The following BDP1 variants were observed in gnomAD, a reference collection of about 807,000 sequenced individuals.
BDP1 encodes transcription factor TFIIIB component B'' homolog.
In BDP1, 169 loss-of-function variants were observed where a neutral mutation model predicts 266.6. That is an observed-to-expected ratio of 0.63 (90% CI 0.56 to 0.72). The LOEUF (loss-of-function observed/expected upper bound fraction) is 0.72, where lower values mean the gene tolerates loss of function less well. Among genes scored for constraint, BDP1 ranks in the 30% least tolerant of loss-of-function variants. The pLI, the probability that BDP1 is intolerant of heterozygous loss-of-function variation, is 0.00. For missense variants in BDP1, 3,015 were observed against 3,053.8 expected, an observed-to-expected ratio of 0.99 and a Z score of 0.30; for synonymous variants, 1,090 against 1,022.4, an observed-to-expected ratio of 1.07 and a Z score of -1.26.
rs1204746180 is a variant in BDP1 at position 71,541,432 on chromosome 5, TG to T, written c.6023-21del. 2.6e-5 allele frequency: 26 copies of T among 1,018,304 alleles called. No individual in the cohort carries two copies. The East Asian group carries it at 3.0e-4, about 12-fold the overall frequency. 63.1% of individuals were successfully genotyped at this position (1,018,304 alleles called of 1,614,324 possible). A position where few individuals can be genotyped will look rare whatever the true frequency, so the allele number is the denominator to read the frequency against. ...TCTATAATTTGGTCCATTTTAATTT[TG>T]TTTTTTTTTTTTTTCTTCAGTAGGA... is the stretch of plus-strand genomic sequence containing the variant. On this transcript the variant is annotated intron_variant, in intron 28 of 38. Coordinates refer to ENST00000358731, the MANE Select transcript of BDP1 (RefSeq NM_018429.3).
At chr5:71,564,387 A>G (rs1050012101) in intron 38 of BDP1, among the ~76,000 whole-genome samples, 7 of 151,406 alleles carry the variant, frequency 4.6e-5, no homozygotes, top group Admixed American at 1.3e-4. Context: ...ACCATATTAT[A>G]TTTTTCTTTA....
intron 22 of BDP1, among the ~76,000 whole-genome samples, chr5:71,519,991 T>C (rs1393211285): frequency 6.6e-6 from 1 of 152,226 alleles, no homozygotes; most frequent in Non-Finnish European, 1.5e-5. Flanking sequence ...TTTTTGTCTT[T>C]TTAACAGTAG....
intron 35 of BDP1, among the ~76,000 whole-genome samples, 153 bp downstream of exon 35, chr5:71,553,473 A>G (rs1742999552): frequency 6.6e-6 from 1 of 152,212 alleles, no homozygotes; most frequent in Non-Finnish European, 1.5e-5. Flanking sequence ...TATTCAAGTA[A>G]AACTGGTTTT....
chr5:71,576,769 G>T, the BDP1 span, among the ~76,000 whole-genome samples: 33 of 152,300 alleles, frequency 2.2e-4, no homozygotes, highest in East Asian at 6.4e-3. Flanking sequence ...TCCAATCCCA[G>T]TCGGCCGCCC....
chr5:71,528,020 C>T (rs1766019138), intron 25 of BDP1, among the ~76,000 whole-genome samples: 1 of 152,012 alleles, frequency 6.6e-6, no homozygotes, highest in South Asian at 2.1e-4. Flanking sequence ...GGGGTTTCAC[C>T]ATGTTGGCCA....
chr5:71,508,367 G>C (rs1561723923), intron 16 of BDP1, among the ~76,000 whole-genome samples: 1 of 152,126 alleles, frequency 6.6e-6, no homozygotes, highest in Non-Finnish European at 1.5e-5. Context: ...GCAGTGGCAT[G>C]ATCATGGCTT....
chr5:71,558,415 T>A (rs1743379679), intron 36 of BDP1, among the ~76,000 whole-genome samples: 1 of 151,108 alleles, frequency 6.6e-6, no homozygotes, highest in Admixed American at 6.6e-5. Context: ...CCTAGCTATT[T>A]GGGAGGCTGA....
intron 9 of BDP1, among the ~76,000 whole-genome samples, chr5:71,487,164 A>T (rs548938638): frequency 7.9e-5 from 12 of 152,346 alleles, no homozygotes; most frequent in Non-Finnish European, 1.8e-4. Context: ...ATAATCACAT[A>T]AAGAAGACGC....
At chr5:71,500,410 C>T (rs1212610850) in intron 13 of BDP1, among the ~76,000 whole-genome samples, 9 of 149,840 alleles carry the variant, frequency 6.0e-5, no homozygotes, top group African/African-American at 1.5e-4. Context: ...CAGCAACCTC[C>T]GCCTCCTGGG....
intron 25 of BDP1, among the ~76,000 whole-genome samples, chr5:71,524,830 A>G (rs1211920495): frequency 3.3e-5 from 5 of 150,408 alleles, no homozygotes; most frequent in East Asian, 1.9e-4. Flanking sequence ...GGGAGTGGCG[A>G]TGACTCTTAA....
downstream of BDP1, among the ~76,000 whole-genome samples, chr5:71,568,755 T>C (rs1056909728): frequency 3.9e-5 from 6 of 152,226 alleles, no homozygotes; most frequent in African/African-American, 9.6e-5. Flanking sequence ...ATCTAGCTGC[T>C]TGCTAATTCG....
intron 2 of BDP1, 32 bp downstream of exon 2, chr5:71,458,887 C>T: frequency 1.9e-6 from 3 of 1,578,602 alleles, no homozygotes; most frequent in Non-Finnish European, 2.6e-6. Flanking sequence ...TTTGATGTTG[C>T]CTTCTATTTA....
chr5:71,488,488 G>A (rs965257675), intron 9 of BDP1, among the ~76,000 whole-genome samples: 26 of 151,448 alleles, frequency 1.7e-4, no homozygotes, highest in Admixed American at 3.9e-4. Flanking sequence ...GAGTGCCATG[G>A]TGCCATCTCA....
intron 24 of BDP1, 126 bp downstream of exon 24, chr5:71,523,075 A>G: frequency 1.6e-6 from 1 of 644,286 alleles, no homozygotes; most frequent in Non-Finnish European, 2.6e-6. Flanking sequence ...AAACTTGACC[A>G]AAGAGGAGTA....
intron 26 of BDP1, among the ~76,000 whole-genome samples, chr5:71,533,774 G>A (rs376223483): frequency 1.3e-5 from 2 of 152,070 alleles, no homozygotes; most frequent in East Asian, 1.9e-4. Context: ...TGACTTTTTG[G>A]ATCTAGCTGT....
chr5:71,547,493 T>C (rs1742420408), intron 32 of BDP1, among the ~76,000 whole-genome samples: 1 of 152,224 alleles, frequency 6.6e-6, no homozygotes, highest in East Asian at 1.9e-4. Context: ...GCTAGAATGG[T>C]ACCTACCAGA....
rs1044374808 is a variant in BDP1 at position 71,461,744 on chromosome 5, T to G, written c.490-73T>G. The G allele has an allele frequency of 2.7e-5, 22 of 820,072 alleles. No individual in the cohort carries two copies. The African/African-American group carries it at 3.8e-4, about 14-fold the overall frequency. The allele number at this position is 820,072 out of a possible 1,614,324, so 50.8% of individuals were successfully genotyped here. A position where few individuals can be genotyped will look rare whatever the true frequency, so the allele number is the denominator to read the frequency against. ...ACTTACAGTGAACGCAACAGTGGAC[T>G]GTATATTTGCATATAGTACATCTGA... is the stretch of plus-strand genomic sequence containing the variant. On this transcript the variant is annotated intron_variant, in intron 2 of 38. Transcript: ENST00000358731.
At chr5:71,485,080 C>T (rs994551478) in intron 8 of BDP1, among the ~76,000 whole-genome samples, 6 of 152,074 alleles carry the variant, frequency 3.9e-5, no homozygotes, top group South Asian at 2.1e-4. Context: ...GAAAATAATT[C>T]GTAAATCTAT....
intron 11 of BDP1, among the ~76,000 whole-genome samples, chr5:71,493,190 T>C (rs555078008): frequency 1.3e-4 from 20 of 152,332 alleles, no homozygotes; most frequent in African/African-American, 4.8e-4. Flanking sequence ...TAATCTAAAG[T>C]GTGAGTTCAG....
Sources: allele counts gnomAD v4.1 joint callset (sites outside exome capture counted in the v4.1 genomes callset), GRCh38; gene constraint gnomAD v4.1.1; transcripts MANE v1.5; gene names NCBI Gene and HGNC (gene_info 2026-07-23, HGNC 2026-07-21).